The following PLEKHG7 variants were observed in gnomAD, a reference collection of about 807,000 sequenced individuals.
PLEKHG7 encodes pleckstrin homology domain-containing family G member 7.
In PLEKHG7, 77 loss-of-function variants were observed where a neutral mutation model predicts 85.2. The ratio of observed to expected loss-of-function variants is 0.90; its 90% CI spans 0.75 to 1.09. The LOEUF is 1.09. Among genes scored for constraint, PLEKHG7 ranks in the 50% least tolerant of loss-of-function variants. PLEKHG7 has a pLI of 0.00. For synonymous variants in PLEKHG7, 301 were observed against 302.4 expected (o/e 1.00, Z 0.05); for missense variants, 777 against 804.3 (o/e 0.97, Z 0.41).
chr12:92,765,303 A>C (rs1335473099), intron 15 of PLEKHG7, among the ~76,000 whole-genome samples: 1 of 149,018 alleles, frequency 6.7e-6, no homozygotes, highest in African/African-American at 2.5e-5. Flanking sequence ...CCTGGGCAAC[A>C]TAGTGAGACC....
At chr12:92,719,442 C>T (rs1871576004) in intron 3 of PLEKHG7, among the ~76,000 whole-genome samples, 1 of 152,192 alleles carries the variant, frequency 6.6e-6, no homozygotes, top group African/African-American at 2.4e-5. Context: ...AAAAAGACTA[C>T]ATTTACCATG....
chr12:92,760,135 C>T (rs1872945621), intron 13 of PLEKHG7, among the ~76,000 whole-genome samples: 1 of 152,084 alleles, frequency 6.6e-6, no homozygotes, highest in Admixed American at 6.6e-5. Flanking sequence ...TGCTTTGGCT[C>T]ACATTCCATT....
At chr12:92,745,869 G>A (rs999207482) in intron 10 of PLEKHG7, among the ~76,000 whole-genome samples, 5 of 152,124 alleles carry the variant, frequency 3.3e-5, no homozygotes, top group African/African-American at 4.8e-5. Flanking sequence ...TGCTATTTGC[G>A]GTAGAAATTG....
At chr12:92,703,311 TGG>T (rs1871137662) in intron 1 of PLEKHG7, among the ~76,000 whole-genome samples, 179 bp downstream of exon 1, 5 of 152,206 alleles carry the variant, frequency 3.3e-5, no homozygotes, top group African/African-American at 1.2e-4. Flanking sequence ...ACAGTGTGGG[TGG>T]GTGTTTGCTG....
intron 3 of PLEKHG7, among the ~76,000 whole-genome samples, chr12:92,717,023 G>A (rs957387390): frequency 1.3e-5 from 2 of 152,196 alleles, no homozygotes; most frequent in Admixed American, 1.3e-4. Flanking sequence ...TTAAACATCA[G>A]AAGCAAGTGA....
At chr12:92,720,286 T>C (rs1871601146) in intron 3 of PLEKHG7, among the ~76,000 whole-genome samples, 1 of 151,938 alleles carries the variant, frequency 6.6e-6, no homozygotes, top group South Asian at 2.1e-4. Context: ...CGTCTTCACA[T>C]ACCCTTCTCT....
chr12:92,769,971 T>C, intron 16 of PLEKHG7, 117 bp from the exon 17 acceptor site: 3 of 633,016 alleles, frequency 4.7e-6, no homozygotes, highest in Non-Finnish European at 8.1e-6. Flanking sequence ...TTCATTAGTC[T>C]TCAGTTTTAA....
chr12:92,756,807 A>G (rs1228750505), intron 13 of PLEKHG7, among the ~76,000 whole-genome samples: 1 of 152,236 alleles, frequency 6.6e-6, no homozygotes, highest in Admixed American at 6.5e-5. Flanking sequence ...CTAGGTAGGT[A>G]CTATTGGAAG....
intron 3 of PLEKHG7, among the ~76,000 whole-genome samples, chr12:92,718,290 A>T (rs1375140981): frequency 6.6e-6 from 1 of 152,230 alleles, no homozygotes; most frequent in African/African-American, 2.4e-5. Context: ...GTGCAAGGGG[A>T]ACCACGTGCC....
At chr12:92,726,436 T>G (rs1326111931) in intron 3 of PLEKHG7, among the ~76,000 whole-genome samples, 2 of 152,210 alleles carry the variant, frequency 1.3e-5, no homozygotes, top group East Asian at 1.9e-4. Context: ...ATGTAAAGTA[T>G]ATATGCTAAC....
chr12:92,743,991 C>T (rs1872445804), intron 9 of PLEKHG7, among the ~76,000 whole-genome samples: 1 of 152,168 alleles, frequency 6.6e-6, no homozygotes, highest in African/African-American at 2.4e-5. Context: ...TATCAATATT[C>T]CCCTCCAAAA....
At chr12:92,738,737 A>C (rs926040106) in intron 7 of PLEKHG7, among the ~76,000 whole-genome samples, 3 of 152,340 alleles carry the variant, frequency 2.0e-5, no homozygotes. Flanking sequence ...ATCCCTGGCT[A>C]TCTCATAAGA....
At position 92,756,380 on chromosome 12, in the gene PLEKHG7, T is replaced by G; in HGVS notation, c.1625T>G (p.Leu542Ter). 1 of 1,610,110 alleles carries G rather than the reference T, an allele frequency of 6.2e-7. No individual in the cohort carries two copies. The highest frequency in any genetic ancestry group is 8.5e-7 in the Non-Finnish European group (1 of 1,176,362). Residue 542 changes from leucine to a stop codon, truncating the protein, a stop_gained, in exon 13 of 17, where the codon TTA becomes TGA. Transcript: ENST00000344636. LOFTEE classifies it high-confidence loss of function. Reference sequence around the variant, plus strand: ...AGACACCTTCTCTATGAAGGAAAATTAACTCTTGCAGGTAAATAACTGCTT... The same window carrying G: ...AGACACCTTCTCTATGAAGGAAAATGAACTCTTGCAGGTAAATAACTGCTT... ...TSRHLLYEGK[L>*]TLAESTRFLD...
intron 3 of PLEKHG7, among the ~76,000 whole-genome samples, chr12:92,712,180 T>C (rs1459195429): frequency 6.6e-6 from 1 of 152,330 alleles, no homozygotes; most frequent in African/African-American, 2.4e-5. Context: ...CAGCATAATG[T>C]CATCAGTGTA....
intron 7 of PLEKHG7, among the ~76,000 whole-genome samples, chr12:92,740,155 CT>C (rs1212566296): frequency 1.3e-5 from 2 of 152,150 alleles, no homozygotes; most frequent in Non-Finnish European, 2.9e-5. Context: ...ATAATTTGTC[CT>C]TTTGTCCCTT....
In PLEKHG7 at chr12:92,767,515, A is replaced by G. The variant is rs149275206; in HGVS notation, c.1871-1468A>G. ...CAGCCAGCTTTTTTTTTTTTTCCCC[A>G]GAAAGTCATTTTAATAGGTTTAAGT... On this transcript the variant is annotated intron_variant, in intron 15 of 16. Coordinates refer to ENST00000344636, the MANE Select transcript of PLEKHG7 (RefSeq NM_001377329.1). Among the ~76,000 whole-genome samples the G allele has an allele frequency of 7.6e-3, 1,146 of 151,766 alleles. 20 individuals carry two copies. Among genetic ancestry groups the G allele is most frequent in the African/African-American group, 0.026 (1,058 of 41,402 alleles).
chr12:92,717,937 A>T (rs1351965923), intron 3 of PLEKHG7, among the ~76,000 whole-genome samples: 1 of 152,222 alleles, frequency 6.6e-6, no homozygotes, highest in Non-Finnish European at 1.5e-5. Context: ...GGTTATTCTT[A>T]GAGAAACCAT....
intron 5 of PLEKHG7, among the ~76,000 whole-genome samples, chr12:92,734,460 C>A (rs190610922): frequency 4.7e-4 from 72 of 152,338 alleles, no homozygotes; most frequent in African/African-American, 1.5e-3. Flanking sequence ...AATTCTACAA[C>A]AATCCAACAA....
chr12:92,736,591 T>G lies in PLEKHG7; in HGVS notation c.795+14T>G. The G allele has an allele frequency of 8.3e-7, 1 of 1,210,536 alleles. No homozygotes were observed. 75.0% of individuals were successfully genotyped at this position (1,210,536 alleles called of 1,614,324 possible). On this transcript the variant is annotated intron_variant, in intron 6 of 16. Coordinates refer to ENST00000344636, the MANE Select transcript of PLEKHG7 (RefSeq NM_001377329.1). ...TACGGTCTTAAGGTATCTTTCAAAC[T>G]GTTAACTATGGGGTTTGACTTTTTC...
Sources: gnomAD v4.1 joint callset for allele counts (sites outside exome capture counted in the v4.1 genomes callset) on GRCh38, gnomAD v4.1.1 for gene constraint, MANE v1.5 for transcripts, NCBI Gene and HGNC (gene_info 2026-07-23, HGNC 2026-07-21) for gene names.